The following NRXN3 variants were observed in gnomAD, a reference collection of about 807,000 sequenced individuals.
The protein encoded by NRXN3 is neurexin III.
Under a neutral mutation model 137.6 loss-of-function variants are expected in NRXN3, and 32 were observed. The observed-to-expected ratio is 0.23, with a 90% CI of 0.18 to 0.31. NRXN3 has a LOEUF of 0.31. Ranked by LOEUF, NRXN3 falls within the 10% of genes least tolerant of loss-of-function variation. The pLI is 1.00. For missense variants in NRXN3, 1,574 were observed against 2,062.5 expected (o/e 0.76, Z 4.59); for synonymous variants, 798 against 784.5 (o/e 1.02, Z -0.29).
chr14:78,707,738 A>G (rs2098368001), intron 6 of NRXN3, among the ~76,000 whole-genome samples: 2 of 152,080 alleles, frequency 1.3e-5, no homozygotes, highest in South Asian at 2.1e-4. Flanking sequence ...CCCAAAGTCC[A>G]TGTATCATTC....
chr14:78,569,326 C>T (rs1176881533), intron 4 of NRXN3, among the ~76,000 whole-genome samples: 3 of 151,338 alleles, frequency 2.0e-5, no homozygotes, highest in South Asian at 2.1e-4. Context: ...AGTGCAGCAG[C>T]GTGGTCTCGG....
chr14:79,207,159 C>T lies in NRXN3; in HGVS notation c.3262+219018C>T, dbSNP rs567725367. On this transcript the variant is annotated intron_variant, in intron 15 of 20. Coordinates refer to ENST00000335750, the MANE Select transcript of NRXN3 (RefSeq NM_001330195.2). ...AGAAATCTTCTGCAAGTCCCCTCCC[C>T]ATGTTCATTTCTGTCAGTTCCTTGG... 2.0e-5 allele frequency among the ~76,000 whole-genome samples: 3 copies of T among 152,264 alleles called. No individual in the cohort carries two copies. In the South Asian group the frequency reaches 6.2e-4, roughly 32 times the overall value.
At chr14:78,218,137 T>A (rs1312903413) in intron 1 of NRXN3, among the ~76,000 whole-genome samples, 4 of 152,140 alleles carry the variant, frequency 2.6e-5, no homozygotes, top group Non-Finnish European at 5.9e-5. Context: ...AAAAGGCCTT[T>A]ATTTGAGGCC....
At chr14:78,711,969 A>AT (rs1320229350) in intron 7 of NRXN3, among the ~76,000 whole-genome samples, 1 of 152,172 alleles carries the variant, frequency 6.6e-6, no homozygotes, top group Non-Finnish European at 1.5e-5. Context: ...TCCTTCCCTG[A>AT]TAATCTTGAA....
intron 4 of NRXN3, among the ~76,000 whole-genome samples, chr14:78,299,316 C>G (rs1016807981): frequency 1.3e-5 from 2 of 152,162 alleles, no homozygotes; most frequent in African/African-American, 4.8e-5. Flanking sequence ...GGGGATGTAC[C>G]TGATGTTGAC....
At chr14:79,490,585 G>A (rs371163960) in intron 16 of NRXN3, among the ~76,000 whole-genome samples, 38 of 149,360 alleles carry the variant, frequency 2.5e-4, no homozygotes, top group East Asian at 2.0e-4. Context: ...AATATCATAC[G>A]TTCTTACATA....
intron 19 of NRXN3, among the ~76,000 whole-genome samples, chr14:79,777,822 A>G (rs1320901485): frequency 6.6e-6 from 1 of 151,864 alleles, no homozygotes; most frequent in African/African-American, 2.4e-5. Context: ...ACAATATAAA[A>G]AAAAATTTAA....
intron 10 of NRXN3, among the ~76,000 whole-genome samples, chr14:78,929,266 T>C (rs1262454179): frequency 6.6e-6 from 1 of 152,186 alleles, no homozygotes; most frequent in Admixed American, 6.5e-5. Context: ...GATAAACTTA[T>C]GTCATGGAGG....
At chr14:79,738,508 T>C (rs2154077593) in intron 19 of NRXN3, among the ~76,000 whole-genome samples, 1 of 152,312 alleles carries the variant, frequency 6.6e-6, no homozygotes, top group African/African-American at 2.4e-5. Flanking sequence ...TCAATGATAC[T>C]AATTTCAAAT....
intron 15 of NRXN3, among the ~76,000 whole-genome samples, chr14:79,172,251 A>ACGG (rs1013482505): frequency 6.6e-6 from 1 of 151,760 alleles, no homozygotes; most frequent in African/African-American, 2.4e-5. Context: ...TGGCCATAAT[A>ACGG]CTTATTAGTC....
chr14:79,736,469 A>C (rs1394744826), intron 19 of NRXN3, among the ~76,000 whole-genome samples: 1 of 152,148 alleles, frequency 6.6e-6, no homozygotes, highest in Non-Finnish European at 1.5e-5. Flanking sequence ...AATAATTGAG[A>C]GCTTCCTCTT....
At chr14:78,237,058 G>T (rs2066416084) in intron 1 of NRXN3, among the ~76,000 whole-genome samples, 1 of 152,144 alleles carries the variant, frequency 6.6e-6, no homozygotes, top group African/African-American at 2.4e-5. Context: ...CTGTCCACCT[G>T]CAAAACACAC....
intron 1 of NRXN3, among the ~76,000 whole-genome samples, chr14:78,190,787 C>T (rs2060655019): frequency 6.6e-6 from 1 of 152,184 alleles, no homozygotes; most frequent in Non-Finnish European, 1.5e-5. Context: ...GATTCTCGTG[C>T]CTCAGCCTCC....
chr14:79,831,052 T>C (rs1226955805), intron 20 of NRXN3, among the ~76,000 whole-genome samples: 1 of 138,792 alleles, frequency 7.2e-6, no homozygotes, highest in Non-Finnish European at 1.6e-5. Flanking sequence ...TCTTTAAAGA[T>C]CGACAGTCCT....
rs1377872112 is a variant in NRXN3 at position 79,760,254 on chromosome 14, G to C, written c.4015-44858G>C. On this transcript the variant is annotated intron_variant, in intron 19 of 20. Coordinates refer to ENST00000335750, the MANE Select transcript of NRXN3 (RefSeq NM_001330195.2). ...GCGAGCTAATTAAGACCCAGTGATAGTTAGAAAGTCTGAGAACATTTATCT... is the reference window on the plus strand; with the variant it reads ...GCGAGCTAATTAAGACCCAGTGATACTTAGAAAGTCTGAGAACATTTATCT... Among the ~76,000 whole-genome samples the C allele has an allele frequency of 2.6e-5, 4 of 151,554 alleles. No homozygotes were observed. In the East Asian group the frequency reaches 7.7e-4, roughly 29 times the overall value.
At chr14:79,532,383 A>G (rs184134969) in intron 16 of NRXN3, among the ~76,000 whole-genome samples, 212 of 152,312 alleles carry the variant, frequency 1.4e-3, no homozygotes, top group African/African-American at 5.0e-3. Context: ...CTGAGAGGAA[A>G]TTGAGAAATA....
rs1195312563 is a variant in NRXN3, at chr14:78,943,615, AAAAAAAATATATATATATATATATATAT to A, written c.2276-13625_2276-13598del. On this transcript the variant is annotated intron_variant, in intron 10 of 20. Transcript: ENST00000335750. ...AAAAGAAGCAAGATCACTGTTAAAAAAAAAAAATATATATATATATATATATATATATATATATATATATATATATATA... is the reference window on the plus strand; with the variant it reads ...AAAAGAAGCAAGATCACTGTTAAAAAATATATATATATATATATATATATA... Among the ~76,000 whole-genome samples, 37 of 42,486 alleles carry A rather than the reference AAAAAAAATATATATATATATATATATAT, an allele frequency of 8.7e-4. 2 individuals carry two copies. The highest frequency in any genetic ancestry group is 3.0e-3 in the African/African-American group (36 of 11,988). 27.9% of individuals were successfully genotyped at this position (42,486 alleles called of 152,430 possible).
chr14:79,501,581 A>T (rs1235808347), intron 16 of NRXN3, among the ~76,000 whole-genome samples: 1 of 152,182 alleles, frequency 6.6e-6, no homozygotes, highest in African/African-American at 2.4e-5. Context: ...TACAAAAATG[A>T]GGGAACAAAG....
At chr14:79,059,970 G>A (rs535350694) in intron 15 of NRXN3, among the ~76,000 whole-genome samples, 19 of 152,314 alleles carry the variant, frequency 1.2e-4, no homozygotes, top group African/African-American at 4.1e-4. Context: ...TTGGTTTGCA[G>A]GTTTGGGGAA....
Sources: allele counts gnomAD v4.1 joint callset (sites outside exome capture counted in the v4.1 genomes callset), GRCh38; gene constraint gnomAD v4.1.1; transcripts MANE v1.5; gene names NCBI Gene and HGNC (gene_info 2026-07-23, HGNC 2026-07-21).